ASXL1: variants seen among roughly 807,000 people sequenced by gnomAD.
ASXL1 encodes ASXL transcriptional regulator 1, also known as polycomb group protein ASXL1.
Under a neutral mutation model 89.1 loss-of-function variants are expected in ASXL1, and 65 were observed. That is an observed-to-expected ratio of 0.73 (90% CI 0.60 to 0.90). The LOEUF (loss-of-function observed/expected upper bound fraction) is 0.90, where lower values mean the gene tolerates loss of function less well. Among genes scored for constraint, ASXL1 ranks in the 40% least tolerant of loss-of-function variants. The pLI, the probability that ASXL1 is intolerant of heterozygous loss-of-function variation, is 0.00. For missense variants in ASXL1, 1,786 were observed against 1,942.9 expected (o/e 0.92, Z 1.52); for synonymous variants, 739 against 746.9 (o/e 0.99, Z 0.17).
In ASXL1 at chr20:32,423,854, C is replaced by T. The variant is rs201060617; in HGVS notation, c.253-4274C>T. Among the ~76,000 whole-genome samples, 17 of 152,276 alleles carry T rather than the reference C, an allele frequency of 1.1e-4. No individual in the cohort carries two copies. In the East Asian group the frequency reaches 2.7e-3, roughly 24 times the overall value. The stretch of plus-strand genomic sequence containing the variant: ...TTGAGCCACTGCACCTGGCCAAGCC[C>T]AGGACTTTGAGACCAGCCTGGGCAA... On this transcript the variant is annotated intron_variant, in intron 4 of 12. Coordinates refer to ENST00000375687, the MANE Select transcript of ASXL1 (RefSeq NM_015338.6).
chr20:32,366,587 A>G lies in ASXL1; in HGVS notation c.140+121A>G. 1.9e-6 allele frequency: 3 copies of G among 1,567,050 alleles called. No individual in the cohort carries two copies. In the East Asian group the frequency reaches 7.2e-5, roughly 37 times the overall value. On this transcript the variant is annotated intron_variant, in intron 2 of 12. Transcript: ENST00000375687. ...TTGTGCTTCTGTGTCTGGTAGTGAGATGGAACTATCCATTTCCCAAATTGT... is the reference window on the plus strand; with the variant it reads ...TTGTGCTTCTGTGTCTGGTAGTGAGGTGGAACTATCCATTTCCCAAATTGT...
intron 6 of ASXL1, chr20:32,428,939 G>C: frequency 3.0e-6 from 1 of 335,564 alleles, no homozygotes; most frequent in South Asian, 2.5e-5. Flanking sequence ...GGGATTACAG[G>C]TGTGAGTCAC....
chr20:32,433,247 C>G (rs2011581965), intron 11 of ASXL1, 37 bp from the exon 12 acceptor site: 1 of 1,613,868 alleles, frequency 6.2e-7, no homozygotes, highest in Non-Finnish European at 8.5e-7. Context: ...CATGTCCACT[C>G]TGGCCTGAAA....
intron 4 of ASXL1, among the ~76,000 whole-genome samples, chr20:32,389,506 A>T (rs1421661097): frequency 6.6e-6 from 1 of 152,034 alleles, no homozygotes; most frequent in Admixed American, 6.6e-5. Context: ...AGTGTATAAT[A>T]GTATCTTGTT....
rs1248734291 is a variant in ASXL1 at position 32,437,791 on chromosome 20, C to G, written c.*453C>G. 1.5e-5 allele frequency: 4 copies of G among 273,128 alleles called. No homozygotes were observed. In the Admixed American group the frequency reaches 1.9e-4, roughly 13 times the overall value. 16.9% of individuals were successfully genotyped at this position (273,128 alleles called of 1,614,324 possible). The stretch of plus-strand genomic sequence containing the variant: ...GGGGAGTTGATGGCCAGGAAAGAAG[C>G]CAGCACAGGGTTAAAGTAACTCCTG... On this transcript the variant is annotated 3_prime_UTR_variant, in exon 13 of 13. Transcript: ENST00000375687.
intron 4 of ASXL1, among the ~76,000 whole-genome samples, chr20:32,425,632 T>C (rs1488825981): frequency 2.0e-5 from 3 of 152,184 alleles, no homozygotes; most frequent in Admixed American, 6.5e-5. Context: ...TTCAGTATCC[T>C]CTTGTGCAGT....
chr20:32,429,820 G>T lies in ASXL1; in HGVS notation c.566-81G>T. ...AGTATTGCTGGCAGCATCTCAGGGAGAGCTGGGAGAAATGAGCTTGTCTGA... is the reference window on the plus strand; with the variant it reads ...AGTATTGCTGGCAGCATCTCAGGGATAGCTGGGAGAAATGAGCTTGTCTGA... On this transcript the variant is annotated intron_variant, in intron 7 of 12. Transcript: ENST00000375687. This position sits in a 1 kb window ranked among gnomAD's most constrained non-coding sequence, Gnocchi z 4.9. 2 of 1,546,742 alleles carry T rather than the reference G, an allele frequency of 1.3e-6. No homozygotes were observed. The highest frequency in any genetic ancestry group is 1.8e-6 in the Non-Finnish European group (2 of 1,141,374).
chr20:32,437,622 T>TGGGGTTGGGGGGGGG lies in ASXL1; in HGVS notation c.*288_*289insTTGGGGGGGGGGGGG. On this transcript the variant is annotated 3_prime_UTR_variant, in exon 13 of 13. Transcript: ENST00000375687. The stretch of plus-strand genomic sequence containing the variant: ...TGGCACGGAGTGGGGTTGCGGGGGG[T>TGGGGTTGGGGGGGGG]GGGGGGACTGCCTGACTCCCAGAGG... The TGGGGTTGGGGGGGGG allele has an allele frequency of 2.7e-6, 1 of 370,102 alleles. No homozygotes were observed. Among genetic ancestry groups the TGGGGTTGGGGGGGGG allele is most frequent in the Non-Finnish European group, 4.9e-6 (1 of 205,784 alleles). 22.9% of individuals were successfully genotyped at this position (370,102 alleles called of 1,614,324 possible). A position where few individuals can be genotyped will look rare whatever the true frequency, so the allele number is the denominator to read the frequency against.
intron 4 of ASXL1, among the ~76,000 whole-genome samples, chr20:32,404,880 TGATATAAA>T (rs2048930011): frequency 6.6e-6 from 1 of 152,220 alleles, no homozygotes; most frequent in Non-Finnish European, 1.5e-5. Context: ...GTTTCTGCAT[TGATATAAA>T]TAATTATGCT....
chr20:32,391,431 A>T (rs923671909), intron 4 of ASXL1, among the ~76,000 whole-genome samples: 9 of 152,154 alleles, frequency 5.9e-5, no homozygotes, highest in Non-Finnish European at 1.0e-4. Context: ...TTTAACTTTT[A>T]AAGAAATAGC....
In ASXL1 at chr20:32,436,831, T is replaced by C. The variant is rs746664804; in HGVS notation, c.4119T>C (p.Phe1373=). 5 of 1,614,180 alleles carry C rather than the reference T, an allele frequency of 3.1e-6. No homozygotes were observed. Among genetic ancestry groups the C allele is most frequent in the Non-Finnish European group, 4.2e-6 (5 of 1,180,034 alleles). The change falls in exon 13 of 13, where the codon TTT becomes TTC. Residue 1373 remains phenylalanine, a synonymous_variant. Transcript: ENST00000375687. The part of the protein sequence containing the change: ...FVGSVKNEKT[F]VGGPLKANAE... Reference sequence around the variant, plus strand: ...GCAGCGTCAAGAATGAGAAGACTTTTGTGGGGGGTCCTCTTAAGGCAAATG... The same window carrying C: ...GCAGCGTCAAGAATGAGAAGACTTTCGTGGGGGGTCCTCTTAAGGCAAATG...
In ASXL1 at chr20:32,434,521, C is replaced by G. The variant is rs771865534; in HGVS notation, c.1809C>G (p.Ser603=). Residue 603 remains serine (S), a synonymous_variant, in exon 13 of 13, where the codon TCC becomes TCG. Coordinates refer to ENST00000375687, the MANE Select transcript of ASXL1 (RefSeq NM_015338.6). ...CCCGGATCATCCCCACCACGGAGTC[C>G]TCCTGCCGGGGTTGGACTGGCGCCA... ...ICPRIIPTTE[S]SCRGWTGART... is the part of the protein sequence containing the mutation. 1.4e-5 allele frequency: 23 copies of G among 1,613,908 alleles called. No homozygotes were observed. Among genetic ancestry groups the G allele is most frequent in the African/African-American group, 2.7e-5 (2 of 74,940 alleles).
chr20:32,392,467 A>G (rs558026649), intron 4 of ASXL1, among the ~76,000 whole-genome samples: 2 of 150,092 alleles, frequency 1.3e-5, no homozygotes, highest in East Asian at 4.0e-4. Context: ...TTTTTAGTAG[A>G]GATGGGGTTT....
intron 4 of ASXL1, among the ~76,000 whole-genome samples, chr20:32,398,640 T>C (rs1288722985): frequency 1.4e-5 from 2 of 141,376 alleles, no homozygotes; most frequent in Middle Eastern, 3.6e-3. Flanking sequence ...GACGGAGTCT[T>C]GCTCTGTCGC....
intron 4 of ASXL1, among the ~76,000 whole-genome samples, chr20:32,413,853 G>T (rs536936982): frequency 1.3e-5 from 2 of 152,222 alleles, no homozygotes; most frequent in Middle Eastern, 3.4e-3. Flanking sequence ...AGTTGTGTGC[G>T]CATTCTCTAC....
chr20:32,376,133 G>A (rs1388034872), intron 4 of ASXL1, among the ~76,000 whole-genome samples: 1 of 152,190 alleles, frequency 6.6e-6, no homozygotes, highest in Non-Finnish European at 1.5e-5. Flanking sequence ...AGCAGCAAAG[G>A]ATGAAAGTGG....
chr20:32,366,498 G>T lies in ASXL1; in HGVS notation c.140+32G>T, dbSNP rs765253057. ...ATTGTTCTTGTTGCTTAACATGAGG[G>T]TTTCATAGGATATGTGTCTTTCTGT... On this transcript the variant is annotated intron_variant, in intron 2 of 12. Coordinates refer to ENST00000375687, the MANE Select transcript of ASXL1 (RefSeq NM_015338.6). 7.4e-6 allele frequency: 12 copies of T among 1,612,958 alleles called. No individual in the cohort carries two copies. The East Asian group carries it at 2.5e-4, about 33-fold the overall frequency.
chr20:32,426,723 C>G (rs1004793495), intron 4 of ASXL1, among the ~76,000 whole-genome samples: 18 of 151,802 alleles, frequency 1.2e-4, no homozygotes. Context: ...CCACACCTGG[C>G]TAATTTTTTG....
chr20:32,435,714 C>CAGCCTCTGACT lies in ASXL1; in HGVS notation c.3003_3013dup (p.Phe1005Ter). The CAGCCTCTGACT allele has an allele frequency of 6.2e-7, 1 of 1,614,210 alleles. No individual in the cohort carries two copies. Among genetic ancestry groups the CAGCCTCTGACT allele is most frequent in the Non-Finnish European group, 8.5e-7 (1 of 1,180,048 alleles). The stretch of plus-strand genomic sequence containing the variant: ...AGTCCTCACGGTGAGTCCACGGATA[C>CAGCCTCTGACT]AGCCTCTGACTTTGAAGGTCACCTC... On this transcript the variant is annotated frameshift_variant, in exon 13 of 13. Transcript: ENST00000375687. LOFTEE classifies it low-confidence loss of function (END_TRUNC).
Sources: gnomAD v4.1 joint callset for allele counts (sites outside exome capture counted in the v4.1 genomes callset) on GRCh38, gnomAD v4.1.1 for gene constraint, Gnocchi (gnomAD v3.1) non-coding constraint, MANE v1.5 for transcripts, NCBI Gene and HGNC (gene_info 2026-07-23, HGNC 2026-07-21) for gene names.